The following KCTD1 variants were observed in gnomAD, a reference collection of about 807,000 sequenced individuals.
KCTD1 encodes potassium channel tetramerization domain containing 1.
In KCTD1, 24 loss-of-function variants were observed where a neutral mutation model predicts 66.0. The observed-to-expected ratio is 0.36, with a 90% CI of 0.26 to 0.51. The LOEUF (loss-of-function observed/expected upper bound fraction) is 0.51. Ranked by LOEUF, KCTD1 falls within the 20% of genes least tolerant of loss-of-function variation. The probability of loss-of-function intolerance (pLI) is 0.95; values close to 1 mark genes in which losing one functional copy is unlikely to be tolerated. For synonymous variants in KCTD1, 511 were observed against 517.2 expected (o/e 0.99, Z 0.16); for missense variants, 943 against 1,205.2 (o/e 0.78, Z 3.22).
At chr18:26,625,263 A>G (rs1987474316) in intron 1 of KCTD1, among the ~76,000 whole-genome samples, 1 of 152,164 alleles carries the variant, frequency 6.6e-6, no homozygotes. Context: ...TTTGAAATGT[A>G]AGGACATGAG....
upstream of KCTD1, chr18:26,629,298 G>A (rs1598974687): frequency 3.1e-6 from 2 of 642,958 alleles, no homozygotes; most frequent in East Asian, 2.8e-4. Flanking sequence ...TGCCCTGCAA[G>A]CTAACCAACT....
intron 1 of KCTD1, among the ~76,000 whole-genome samples, chr18:26,514,881 A>G (rs953153298): frequency 5.3e-5 from 8 of 152,230 alleles, no homozygotes; most frequent in African/African-American, 1.7e-4. Context: ...TGGAGAGGAT[A>G]GTGGTTGATG....
chr18:26,623,702 G>A (rs991469557), intron 1 of KCTD1, among the ~76,000 whole-genome samples: 2 of 152,198 alleles, frequency 1.3e-5, no homozygotes, highest in Non-Finnish European at 2.9e-5. Context: ...CAGACTAATA[G>A]AGTAAATTGG....
chr18:26,548,637 A>T (rs1340928665), upstream of KCTD1: 2 of 1,135,132 alleles, frequency 1.8e-6, no homozygotes, highest in Non-Finnish European at 2.2e-6. Context: ...ACCGGGAGGC[A>T]AAGCCGGGCT....
chr18:26,514,637 G>T (rs76429709), intron 1 of KCTD1, among the ~76,000 whole-genome samples: 2 of 151,920 alleles, frequency 1.3e-5, no homozygotes, highest in Non-Finnish European at 2.9e-5. Context: ...TGGGTCATGT[G>T]TCCTGTTGAT....
Position 26,547,774 on chromosome 18 carries a change from CG to C in KCTD1, c.762del (p.Glu255SerfsTer7). On this transcript the variant is annotated frameshift_variant, in exon 1 of 5. Coordinates refer to ENST00000580059, the MANE Select transcript of KCTD1 (RefSeq NM_001142730.3). LOFTEE classifies it high-confidence loss of function. ...YCRTLDLTKD[P>X]ELRSANLTLA... The stretch of plus-strand genomic sequence containing the variant: ...AGCGTCAGGTTGGCGCTGCGCAGCT[CG>C]GGGTCCTTGGTGAGGTCGAGCGTGC... The C allele has an allele frequency of 6.5e-7, 1 of 1,542,496 alleles. No homozygotes were observed.
chr18:26,547,423 C>T lies in KCTD1; in HGVS notation c.1114G>A (p.Glu372Lys). ...WSKKRAESSD[E>K]ENLPRMYETG... is the part of the protein sequence containing the mutation. ...TCATACATGCGGGGCAAGTTCTCCT[C>T]GTCGCTGCTCTCGGCGCGCTTCTTG... Residue 372 changes from glutamate (E) to lysine (K), a missense_variant, in exon 1 of 5, where the codon GAG (glutamate) becomes AAG (lysine). This residue lies in a region of KCTD1 where 66 missense variants were observed against 61.6 expected (regional missense o/e 1.07). Coordinates refer to ENST00000580059, the MANE Select transcript of KCTD1 (RefSeq NM_001142730.3). The T allele has an allele frequency of 6.4e-7, 1 of 1,551,314 alleles. No individual in the cohort carries two copies. Among genetic ancestry groups the T allele is most frequent in the Non-Finnish European group, 8.7e-7 (1 of 1,146,782 alleles).
At chr18:26,638,936 C>T (rs967562651) in intron 1 of KCTD1, among the ~76,000 whole-genome samples, 2 of 152,218 alleles carry the variant, frequency 1.3e-5, no homozygotes, top group Non-Finnish European at 2.9e-5. Flanking sequence ...CAACAGCCTC[C>T]GTTCCTTCTT....
intron 1 of KCTD1, among the ~76,000 whole-genome samples, chr18:26,583,572 G>A (rs1986408013): frequency 6.6e-6 from 1 of 152,116 alleles, no homozygotes; most frequent in Non-Finnish European, 1.5e-5. Context: ...GGTACTCTCT[G>A]ATGTACTCTG....
chr18:26,544,589 C>G (rs1290112513), intron 1 of KCTD1: 1 of 152,072 alleles, frequency 6.6e-6, no homozygotes, highest in East Asian at 1.9e-4. Flanking sequence ...CAGGGCATTT[C>G]CTGCGGATTA....
Position 26,548,486 on chromosome 18 carries a change from G to T in KCTD1, c.51C>A (p.Ser17Arg). The stretch of plus-strand genomic sequence containing the variant: ...CGGCGGCGGCGGCGGCAGCGCTGGC[G>T]CTGCCGCCCGCGCTGGTGTTACAGT... ...SGDCNTSAGG[S>R]ASAAAAAAEN... Residue 17 changes from serine to arginine, a missense_variant, in exon 1 of 5, where the codon AGC becomes AGA. Ser to Arg is a moderately radical substitution (Grantham distance 110, BLOSUM62 -1). Around this residue, in one of 10 missense-constraint regions of KCTD1, gnomAD observed 236 missense variants for 206.6 expected, o/e 1.14. Transcript: ENST00000580059. The T allele has an allele frequency of 8.0e-7, 1 of 1,245,792 alleles. No individual in the cohort carries two copies. The highest frequency in any genetic ancestry group is 3.8e-5 in the South Asian group (1 of 26,042). 77.2% of individuals were successfully genotyped at this position (1,245,792 alleles called of 1,614,324 possible). A position where few individuals can be genotyped will look rare whatever the true frequency, so the allele number is the denominator to read the frequency against.
intron 1 of KCTD1, among the ~76,000 whole-genome samples, chr18:26,583,008 T>C (rs1270040590): frequency 6.6e-6 from 1 of 151,888 alleles, no homozygotes; most frequent in African/African-American, 2.4e-5. Context: ...ACAAAAAACA[T>C]TACAGGGAAT....
chr18:26,635,115 A>G (rs1338471386), intron 1 of KCTD1, among the ~76,000 whole-genome samples: 2 of 151,964 alleles, frequency 1.3e-5, no homozygotes, highest in East Asian at 1.9e-4. Flanking sequence ...CTTTTTTTGC[A>G]TTAATTTTTA....
At chr18:26,511,486 C>T (rs574258487) in intron 1 of KCTD1, among the ~76,000 whole-genome samples, 37 of 152,274 alleles carry the variant, frequency 2.4e-4, no homozygotes, top group African/African-American at 8.9e-4. Context: ...CTGAAGTCGC[C>T]CTGCACACGC....
intron 1 of KCTD1, among the ~76,000 whole-genome samples, chr18:26,650,334 G>A (rs1988006831): frequency 6.6e-6 from 1 of 152,208 alleles, no homozygotes; most frequent in Non-Finnish European, 1.5e-5. Flanking sequence ...GTATCCAACA[G>A]TTATTTATTG....
intron 1 of KCTD1, among the ~76,000 whole-genome samples, chr18:26,583,266 C>T (rs561356875): frequency 2.6e-5 from 4 of 151,570 alleles, no homozygotes; most frequent in South Asian, 2.1e-4. Flanking sequence ...TGGTGGCGGG[C>T]GCCTGTAATC....
chr18:26,599,981 C>A, intron 1 of KCTD1: 3 of 1,610,508 alleles, frequency 1.9e-6, no homozygotes, highest in Non-Finnish European at 2.5e-6. Flanking sequence ...GTGGACCCTG[C>A]TGCTGCCAAG....
chr18:26,566,291 G>A (rs935603878), intron 1 of KCTD1: 4 of 152,158 alleles, frequency 2.6e-5, no homozygotes, highest in Admixed American at 6.5e-5. Context: ...CTGTATCTGT[G>A]ACCTGGGTAG....
At chr18:26,539,681 A>C (rs982237563) in intron 1 of KCTD1, among the ~76,000 whole-genome samples, 5 of 152,146 alleles carry the variant, frequency 3.3e-5, no homozygotes, top group African/African-American at 1.2e-4. Flanking sequence ...TCCTGCCTGG[A>C]TCTGGTCTAA....
Sources: gnomAD v4.1 joint callset for allele counts (sites outside exome capture counted in the v4.1 genomes callset) on GRCh38, gnomAD v4.1.1 for gene constraint, gnomAD v4.1.1 regional missense constraint, MANE v1.5 for transcripts, NCBI Gene and HGNC (gene_info 2026-07-23, HGNC 2026-07-21) for gene names.